Variants in PSME2 observed in about 807,000 individuals in gnomAD.
PSME2 encodes the protein proteasome activator subunit 2.
A neutral mutation model predicts 38.8 loss-of-function variants in PSME2; 20 were observed. The ratio of observed to expected loss-of-function variants is 0.52; its 90% CI spans 0.36 to 0.75. The LOEUF is 0.75. Among genes scored for constraint, PSME2 ranks in the 30% least tolerant of loss-of-function variants. The pLI, the probability that PSME2 is intolerant of heterozygous loss-of-function variation, is 0.00. For synonymous variants in PSME2, 82 were observed against 102.5 expected (o/e 0.80, Z 1.21); for missense variants, 227 against 287.6 (o/e 0.79, Z 1.52).
Position 24,143,925 on chromosome 14 carries a change from C to CA in PSME2, c.552+49dup. 6.3e-7 allele frequency: 1 copy of CA among 1,581,564 alleles called. No individual in the cohort carries two copies. The highest frequency in any genetic ancestry group is 1.1e-5 in the South Asian group (1 of 90,390). The stretch of plus-strand genomic sequence containing the variant: ...AAGACAAGGAGGACTTCTTCCTCCA[C>CA]ACCTCCTCGTCCCACACCCAGCTAA... On this transcript the variant is annotated intron_variant, in intron 9 of 10. Transcript: ENST00000216802. The surrounding 1 kb of genome is among the most constrained non-coding windows in gnomAD (Gnocchi z 4.4).
intron 1 of PSME2, 91 bp from the exon 2 acceptor site, chr14:24,146,331 G>C: frequency 6.5e-7 from 1 of 1,529,414 alleles, no homozygotes; most frequent in Middle Eastern, 1.7e-4. Context: ...CTGTGGCTCA[G>C]GCCTTTCTCA....
intron 2 of PSME2, 80 bp downstream of exon 2, chr14:24,146,128 G>T: frequency 1.3e-6 from 2 of 1,527,540 alleles, no homozygotes; most frequent in South Asian, 1.1e-5. Flanking sequence ...GGGTGACTTG[G>T]GGGGGTCATT....
At position 24,144,209 on chromosome 14, in the gene PSME2, G is replaced by A; in HGVS notation, c.480C>T (p.Phe160=). Reference sequence around the variant, plus strand: ...GCCCTCACTTGGAAATGGTTGTCTGGAAAGCTTCCACTTTGGTCTTGACGG... The same window carrying A: ...GCCCTCACTTGGAAATGGTTGTCTGAAAAGCTTCCACTTTGGTCTTGACGG... ...VNAVKTKVEA[F]QTTISKYFSE... Residue 160 remains phenylalanine, a synonymous_variant, in exon 8 of 11, where the codon TTC becomes TTT. Transcript: ENST00000216802. 6.2e-7 allele frequency: 1 copy of A among 1,614,220 alleles called. No homozygotes were observed. Among genetic ancestry groups the A allele is most frequent in the Non-Finnish European group, 8.5e-7 (1 of 1,180,046 alleles).
At chr14:24,146,435 G>C (rs1238879284) in intron 1 of PSME2, 99 bp downstream of exon 1, 1 of 1,521,798 alleles carries the variant, frequency 6.6e-7, no homozygotes, top group African/African-American at 1.4e-5. Context: ...AGCGAGATTG[G>C]GGGAGTTCTC....
In PSME2 at chr14:24,144,217, C is replaced by T; in HGVS notation, c.472G>A (p.Glu158Lys). 6.2e-7 allele frequency: 1 copy of T among 1,614,238 alleles called. No individual in the cohort carries two copies. The highest frequency in any genetic ancestry group is 8.5e-7 in the Non-Finnish European group (1 of 1,180,048). Residue 158 changes from glutamate to lysine, a missense_variant, in exon 8 of 11, where the codon GAA (glutamate) becomes AAA (lysine). Transcript: ENST00000216802. ...ERVNAVKTKVEAFQTTISKYF... is the reference protein window; with the variant it reads ...ERVNAVKTKVKAFQTTISKYF... ...TTGGAAATGGTTGTCTGGAAAGCTT[C>T]CACTTTGGTCTTGACGGCATTCACC...
intron 3 of PSME2, 94 bp from the exon 4 acceptor site, chr14:24,145,559 C>A: frequency 1.4e-6 from 2 of 1,449,766 alleles, no homozygotes; most frequent in Non-Finnish European, 9.5e-7. Flanking sequence ...ACTCTGCCTC[C>A]CAACCTAGGC....
At position 24,145,243 on chromosome 14, in the gene PSME2, C is replaced by T. The variant is rs749526712; in HGVS notation, c.262G>A (p.Val88Ile). The change falls in exon 5 of 11, where the codon GTC (valine) becomes ATC (isoleucine). Residue 88 changes from valine to isoleucine, a missense_variant and splice_region_variant. By Grantham distance (29) the Val-to-Ile change is conservative. This residue lies in a region of PSME2 where 48 missense variants were observed against 96.4 expected (regional missense o/e 0.50). Coordinates refer to ENST00000216802, the MANE Select transcript of PSME2 (RefSeq NM_002818.3). ...METDKQEKKE[V>I]HKCGFLPGNE... ...CCTAGTCACCTCTTATCTCTCTTAC[C>T]TTCTTTCTTCTCCTGCTTATCTGTT... 1.2e-6 allele frequency: 2 copies of T among 1,613,956 alleles called. No individual in the cohort carries two copies. The highest frequency in any genetic ancestry group is 1.7e-5 in the Admixed American group (1 of 60,008).
intron 1 of PSME2, 129 bp downstream of exon 1, chr14:24,146,404 TC>T: frequency 6.9e-7 from 1 of 1,438,930 alleles, no homozygotes; most frequent in Non-Finnish European, 9.6e-7. Context: ...AATCTGGGAA[TC>T]CCCGAGAAGT....
At position 24,143,723 on chromosome 14, in the gene PSME2, A is replaced by G; in HGVS notation, c.553-52T>C. 1 of 1,566,274 alleles carries G rather than the reference A, an allele frequency of 6.4e-7. No individual in the cohort carries two copies. Among genetic ancestry groups the G allele is most frequent in the Non-Finnish European group, 8.8e-7 (1 of 1,137,550 alleles). On this transcript the variant is annotated intron_variant, in intron 9 of 10. Coordinates refer to ENST00000216802, the MANE Select transcript of PSME2 (RefSeq NM_002818.3). This position sits in a 1 kb window ranked among gnomAD's most constrained non-coding sequence, Gnocchi z 4.4. ...CAGTCCCATGGGAGGCTGGGACATG[A>G]GTCTGGTTTCCTTTTATAGGAAATA...
Position 24,143,682 on chromosome 14 carries a change from G to C in PSME2, c.553-11C>G. 3 of 1,613,774 alleles carry C rather than the reference G, an allele frequency of 1.9e-6. No homozygotes were observed. Among genetic ancestry groups the C allele is most frequent in the Non-Finnish European group, 2.5e-6 (3 of 1,179,816 alleles). On this transcript the variant is annotated splice_polypyrimidine_tract_variant and intron_variant, in intron 9 of 10. Coordinates refer to ENST00000216802, the MANE Select transcript of PSME2 (RefSeq NM_002818.3). The surrounding 1 kb of genome is among the most constrained non-coding windows in gnomAD (Gnocchi z 4.4). The stretch of plus-strand genomic sequence containing the variant: ...GGCCCGGTAATCCATCTGCAATGTG[G>C]GAGGCAAAGCTGAGTCAGTCCCATG...
Position 24,143,722 on chromosome 14 carries a change from G to A in PSME2, c.553-51C>T, listed in dbSNP as rs750346195. ...TCAGTCCCATGGGAGGCTGGGACATGAGTCTGGTTTCCTTTTATAGGAAAT... is the reference window on the plus strand; with the variant it reads ...TCAGTCCCATGGGAGGCTGGGACATAAGTCTGGTTTCCTTTTATAGGAAAT... On this transcript the variant is annotated intron_variant, in intron 9 of 10. Transcript: ENST00000216802. The surrounding 1 kb of genome is among the most constrained non-coding windows in gnomAD (Gnocchi z 4.4). 3.8e-6 allele frequency: 6 copies of A among 1,567,510 alleles called. No homozygotes were observed. The highest frequency in any genetic ancestry group is 1.7e-5 in the Admixed American group (1 of 59,744).
Position 24,145,778 on chromosome 14 carries a change from G to T in PSME2, c.82-6C>A. Reference sequence around the variant, plus strand: ...CTGTAGAGGAATTCCTCAGCCTGTGGGTTACATTGCAAGGGAGGGGAATCA... The same window carrying T: ...CTGTAGAGGAATTCCTCAGCCTGTGTGTTACATTGCAAGGGAGGGGAATCA... On this transcript the variant is annotated splice_region_variant and splice_polypyrimidine_tract_variant and intron_variant, in intron 2 of 10. Transcript: ENST00000216802. 6.2e-7 allele frequency: 1 copy of T among 1,611,858 alleles called. No individual in the cohort carries two copies. Among genetic ancestry groups the T allele is most frequent in the South Asian group, 1.1e-5 (1 of 91,040 alleles).
chr14:24,143,709 G>A lies in PSME2; in HGVS notation c.553-38C>T. 2 of 1,593,578 alleles carry A rather than the reference G, an allele frequency of 1.3e-6. No homozygotes were observed. The highest frequency in any genetic ancestry group is 1.7e-6 in the Non-Finnish European group (2 of 1,161,874). On this transcript the variant is annotated intron_variant, in intron 9 of 10. Transcript: ENST00000216802. The surrounding 1 kb of genome is among the most constrained non-coding windows in gnomAD (Gnocchi z 4.4). ...AGGCAAAGCTGAGTCAGTCCCATGG[G>A]AGGCTGGGACATGAGTCTGGTTTCC... is the stretch of plus-strand genomic sequence containing the variant.
intron 1 of PSME2, 88 bp downstream of exon 1, chr14:24,146,446 T>C: frequency 6.4e-7 from 1 of 1,557,850 alleles, no homozygotes; most frequent in East Asian, 2.2e-5. Context: ...GGGAGTTCTC[T>C]GGCACTGCTT....
Position 24,146,539 on chromosome 14 carries a change from T to A in PSME2, c.43A>T (p.Lys15Ter), listed in dbSNP as rs1409387180. ...GGCCTCCGATTCCCCATTACCTGTT[T>A]GCGGGCTTCCCCGCTCAGGCGCACC... is the stretch of plus-strand genomic sequence containing the variant. The part of the protein sequence containing the change: ...CGVRLSGEAR[K>*]QVEVFRQNLF... The change falls in exon 1 of 11, where the codon AAA (lysine) becomes TAA (stop). Residue 15 changes from lysine (K) to a stop codon, truncating the protein, a stop_gained. Transcript: ENST00000216802. LOFTEE classifies it high-confidence loss of function. The A allele has an allele frequency of 6.2e-7, 1 of 1,613,918 alleles. No individual in the cohort carries two copies. The highest frequency in any genetic ancestry group is 8.5e-7 in the Non-Finnish European group (1 of 1,180,030).
chr14:24,145,028 C>T, intron 6 of PSME2, 30 bp downstream of exon 6: 2 of 1,583,162 alleles, frequency 1.3e-6, no homozygotes, highest in Non-Finnish European at 8.7e-7. Context: ...TGTGTCTTCT[C>T]TTTCTGCTTC....
Position 24,146,591 on chromosome 14 carries a change from G to A in PSME2, c.-10C>T. On this transcript the variant is annotated 5_prime_UTR_variant, in exon 1 of 11. Transcript: ENST00000216802. The stretch of plus-strand genomic sequence containing the variant: ...CACACGGCTTGGCCATGCTGCTTCA[G>A]TCGCTAGATCTCTGGTCTCCCGGCT... 2 of 1,613,140 alleles carry A rather than the reference G, an allele frequency of 1.2e-6. No individual in the cohort carries two copies. The highest frequency in any genetic ancestry group is 1.7e-6 in the Non-Finnish European group (2 of 1,180,022).
Position 24,143,498 on chromosome 14 carries a change from A to C in PSME2, c.640-9T>G. 6.2e-7 allele frequency: 1 copy of C among 1,614,092 alleles called. No homozygotes were observed. Among genetic ancestry groups the C allele is most frequent in the East Asian group, 2.2e-5 (1 of 44,888 alleles). On this transcript the variant is annotated splice_polypyrimidine_tract_variant and intron_variant, in intron 10 of 10. Transcript: ENST00000216802. This position sits in a 1 kb window ranked among gnomAD's most constrained non-coding sequence, Gnocchi z 4.4. ...ATATGATAAAGCTCAGCCTGGGAGA[A>C]GGCCAGAGTGCAAGAGTCAGGTTCT...
Position 24,145,694 on chromosome 14 carries a change from G to T in PSME2, c.144+16C>A, listed in dbSNP as rs2139069647. The T allele has an allele frequency of 1.9e-6, 3 of 1,610,988 alleles. No individual in the cohort carries two copies. The highest frequency in any genetic ancestry group is 2.2e-5 in the East Asian group (1 of 44,870). On this transcript the variant is annotated intron_variant, in intron 3 of 10. Transcript: ENST00000216802. ...AGAGGACATAGGATGGGGCAGAAGG[G>T]GCCCACACTACTCACTTGCAAGAGC...
Sources: gnomAD v4.1 joint callset for allele counts on GRCh38, gnomAD v4.1.1 for gene constraint, gnomAD v4.1.1 regional missense constraint, Gnocchi (gnomAD v3.1) non-coding constraint, MANE v1.5 for transcripts, NCBI Gene and HGNC (gene_info 2026-07-23, HGNC 2026-07-21) for gene names.